Variants in ZNF45 observed in about 807,000 individuals in gnomAD.
ZNF45 encodes the protein zinc finger protein 45.
In ZNF45, 4 loss-of-function variants were observed where a neutral mutation model predicts 12.0. The ratio of observed to expected loss-of-function variants is 0.33; its 90% confidence interval spans 0.16 to 0.76. The LOEUF is 0.76. Among genes scored for constraint, ZNF45 ranks in the 30% least tolerant of loss-of-function variants. The pLI is 0.60. For missense variants in ZNF45, 700 were observed against 813.0 expected (o/e 0.86, Z 1.69); for synonymous variants, 272 against 279.6 (o/e 0.97, Z 0.27).
At chr19:43,929,397 C>G (rs1398664616) in intron 3 of ZNF45, among the ~76,000 whole-genome samples, 1 of 152,204 alleles carries the variant, frequency 6.6e-6, no homozygotes, top group African/African-American at 2.4e-5. Context: ...TTCCTAATCT[C>G]TCCCTAAGTC....
chr19:43,922,053 C>G, intron 7 of ZNF45, 118 bp downstream of exon 7: 2 of 1,007,378 alleles, frequency 2.0e-6, no homozygotes, highest in Non-Finnish European at 2.8e-6. Flanking sequence ...ATTTGGCACA[C>G]AAGAGGTTCT....
Position 43,922,161 on chromosome 19 carries a change from T to A in ZNF45, c.15+10A>T, listed in dbSNP as rs1973238328. 1.2e-6 allele frequency: 2 copies of A among 1,609,100 alleles called. No individual in the cohort carries two copies. The highest frequency in any genetic ancestry group is 2.7e-5 in the African/African-American group (2 of 74,862). ...GACAATTATTACGGAGAAAGGGAGG[T>A]CCAACTCACCTTAGACTTCGTCATT... On this transcript the variant is annotated intron_variant, in intron 7 of 9. Coordinates refer to ENST00000269973, the MANE Select transcript of ZNF45 (RefSeq NM_003425.4).
chr19:43,925,797 T>C (rs1973625804), intron 3 of ZNF45, among the ~76,000 whole-genome samples: 1 of 152,062 alleles, frequency 6.6e-6, no homozygotes, highest in Non-Finnish European at 1.5e-5. Context: ...ATTTTTTTTG[T>C]TTCTTTTGTT....
At chr19:43,922,115 G>A in intron 7 of ZNF45, 56 bp downstream of exon 7, 7 of 1,591,524 alleles carry the variant, frequency 4.4e-6, no homozygotes, top group Non-Finnish European at 5.2e-6. Flanking sequence ...TAAGGTGTAT[G>A]TAATCTTTCC....
intron 7 of ZNF45, among the ~76,000 whole-genome samples, chr19:43,921,306 G>A (rs1050028282): frequency 6.6e-6 from 1 of 152,214 alleles, no homozygotes; most frequent in Non-Finnish European, 1.5e-5. Flanking sequence ...AATACAGTAA[G>A]AGAAGTATCT....
intron 7 of ZNF45, among the ~76,000 whole-genome samples, chr19:43,920,535 T>TGGGGGGGGGGG (rs386389071): frequency 9.0e-5 from 2 of 22,346 alleles, no homozygotes; most frequent in Non-Finnish European, 1.2e-4. Flanking sequence ...TGTTGCCGGG[T>TGGGGGGGGGGG]GGGGGGGGGG....
At chr19:43,931,180 G>GT (rs1429644001) in intron 3 of ZNF45, 1 of 152,136 alleles carries the variant, frequency 6.6e-6, no homozygotes, top group Non-Finnish European at 1.5e-5. Flanking sequence ...GTTTAAATAT[G>GT]TAACAGAATT....
intron 3 of ZNF45, chr19:43,930,146 G>A (rs898318708): frequency 6.6e-6 from 1 of 152,282 alleles, no homozygotes; most frequent in African/African-American, 2.4e-5. Flanking sequence ...TAGGGGAAAA[G>A]GGGGATGGAG....
intron 7 of ZNF45, 64 bp from the exon 8 acceptor site, chr19:43,919,763 C>G: frequency 6.4e-7 from 1 of 1,563,482 alleles, no homozygotes; most frequent in Non-Finnish European, 8.7e-7. Context: ...AGGGATAGCA[C>G]TGAGAAATGT....
At chr19:43,928,499 C>T (rs1406874412) in intron 3 of ZNF45, among the ~76,000 whole-genome samples, 4 of 152,286 alleles carry the variant, frequency 2.6e-5, no homozygotes, top group South Asian at 2.1e-4. Context: ...CAAACCTGCA[C>T]GTGTACTTCT....
intron 7 of ZNF45, among the ~76,000 whole-genome samples, chr19:43,920,599 GTT>G (rs61470860): frequency 1.3e-5 from 1 of 76,088 alleles, no homozygotes; most frequent in Non-Finnish European, 2.3e-5. Flanking sequence ...TATCGTATTG[GTT>G]TTTTTTTTTT....
intron 6 of ZNF45, among the ~76,000 whole-genome samples, chr19:43,922,858 C>T: frequency 9.1e-6 from 1 of 110,256 alleles, no homozygotes; most frequent in Admixed American, 1.5e-4. Flanking sequence ...GAGGGTCTTG[C>T]TCTGCTGCCC....
At chr19:43,930,762 C>A (rs1013370268) in intron 3 of ZNF45, among the ~76,000 whole-genome samples, 1 of 152,020 alleles carries the variant, frequency 6.6e-6, no homozygotes, top group African/African-American at 2.4e-5. Flanking sequence ...GCAAGCTATT[C>A]GTGTAATTTA....
rs200820901 is a variant in ZNF45, at chr19:43,922,310, TG to T, written c.-32-94del. The T allele has an allele frequency of 1.7e-3, 1,593 of 913,614 alleles. 22 individuals carry two copies. In the African/African-American group the frequency reaches 0.026, roughly 15 times the overall value. The allele number at this position is 913,614 out of a possible 1,614,324, so 56.6% of individuals were successfully genotyped here. ...CCATAGCTGTTTTTTTGTTTTGTTT[TG>T]TTTTTTTTAACGTGAAATAGCAACA... On this transcript the variant is annotated intron_variant, in intron 6 of 9. Coordinates refer to ENST00000269973, the MANE Select transcript of ZNF45 (RefSeq NM_003425.4).
chr19:43,925,081 A>C (rs1004119019), intron 4 of ZNF45: 1 of 152,128 alleles, frequency 6.6e-6, no homozygotes, highest in African/African-American at 2.4e-5. Context: ...AAGCCTCCAT[A>C]ATGGGATTGC....
intron 9 of ZNF45, among the ~76,000 whole-genome samples, chr19:43,916,928 C>T (rs1354088975): frequency 6.6e-6 from 1 of 151,552 alleles, no homozygotes; most frequent in Non-Finnish European, 1.5e-5. Flanking sequence ...GCCAGGGGAT[C>T]TAGGGACTGA....
rs1194852617 is a variant in ZNF45 at position 43,918,752 on chromosome 19, T to A, written c.235+118A>T. The A allele has an allele frequency of 4.1e-6, 3 of 731,980 alleles. No homozygotes were observed. In the Admixed American group the frequency reaches 7.2e-5, roughly 18 times the overall value. The allele number at this position is 731,980 out of a possible 1,614,324, so 45.3% of individuals were successfully genotyped here. ...AATAAATTAGAATTAGATTAGATAT[T>A]CATCAGGGGGAAAAAAACTGTTCTA... On this transcript the variant is annotated intron_variant, in intron 9 of 9. Coordinates refer to ENST00000269973, the MANE Select transcript of ZNF45 (RefSeq NM_003425.4).
intron 2 of ZNF45, among the ~76,000 whole-genome samples, chr19:43,933,501 T>G (rs996432025): frequency 4.6e-5 from 7 of 152,280 alleles, no homozygotes; most frequent in African/African-American, 1.7e-4. Context: ...TTATTAGTTT[T>G]TAAGCCTTAC....
rs1479071419 is a variant in ZNF45, at chr19:43,912,969, CTA to C, written c.*416_*417del. 6.4e-6 allele frequency: 1 copy of C among 157,140 alleles called. No homozygotes were observed. The highest frequency in any genetic ancestry group is 1.4e-5 in the Non-Finnish European group (1 of 71,294). 9.7% of individuals were successfully genotyped at this position (157,140 alleles called of 1,614,324 possible). On this transcript the variant is annotated 3_prime_UTR_variant, in exon 10 of 10. Transcript: ENST00000269973. Reference sequence around the variant, plus strand: ...TCTGAGTACAATTTTAGAGAAACTTCTAGAGATAAATAAAAATGTCAAATATT... The same window carrying C: ...TCTGAGTACAATTTTAGAGAAACTTCGAGATAAATAAAAATGTCAAATATT...
Sources: gnomAD v4.1 joint callset for allele counts (sites outside exome capture counted in the v4.1 genomes callset) on GRCh38, gnomAD v4.1.1 for gene constraint, MANE v1.5 for transcripts, NCBI Gene and HGNC (gene_info 2026-07-23, HGNC 2026-07-21) for gene names.